The following NAA11 variants were observed in gnomAD, a reference collection of about 807,000 sequenced individuals.
NAA11 encodes the protein N-alpha-acetyltransferase 11, NatA catalytic subunit.
A neutral mutation model predicts 16.1 loss-of-function variants in NAA11; 15 were observed. The ratio of observed to expected loss-of-function variants is 0.93; its 90% CI spans 0.62 to 1.44. NAA11 has a LOEUF of 1.44. Ranked by LOEUF, NAA11 falls within the 40% of genes most tolerant of loss-of-function variation. NAA11 has a pLI of 0.00. For synonymous variants in NAA11, 122 were observed against 112.4 expected, an observed-to-expected ratio of 1.09 and a Z score of -0.54; for missense variants, 298 against 291.3, an observed-to-expected ratio of 1.02 and a Z score of -0.17.
At chr4:79,248,349 G>A (rs1169318850) in intron 2 of NAA11, among the ~76,000 whole-genome samples, 2 of 151,724 alleles carry the variant, frequency 1.3e-5, no homozygotes, top group East Asian at 1.9e-4. Context: ...CCCCACAATC[G>A]TTTGATGGGT....
intron 2 of NAA11, among the ~76,000 whole-genome samples, chr4:79,284,372 T>G (rs1336635032): frequency 6.6e-6 from 1 of 152,094 alleles, no homozygotes; most frequent in Non-Finnish European, 1.5e-5. Context: ...TCTATTTACT[T>G]CTTAAATCGA....
chr4:79,215,451 T>A, the NAA11 span, among the ~76,000 whole-genome samples: 1 of 152,282 alleles, frequency 6.6e-6, no homozygotes, highest in Non-Finnish European at 1.5e-5. Flanking sequence ...AAAAAGAAGA[T>A]GTCCCTGAAT....
At chr4:79,213,133 G>A in the NAA11 span, among the ~76,000 whole-genome samples, 1 of 152,080 alleles carries the variant, frequency 6.6e-6, no homozygotes, top group African/African-American at 2.4e-5. Flanking sequence ...CAATGTTTTG[G>A]GTGGGGCTAT....
intron 2 of NAA11, among the ~76,000 whole-genome samples, chr4:79,287,539 G>A (rs1308265247): frequency 6.6e-6 from 1 of 151,900 alleles, no homozygotes. Flanking sequence ...TTGAGGCTGA[G>A]GTCTCTTAGG....
At chr4:79,271,992 A>G (rs1330726048) in intron 2 of NAA11, among the ~76,000 whole-genome samples, 4 of 151,852 alleles carry the variant, frequency 2.6e-5, no homozygotes, top group Admixed American at 2.0e-4. Context: ...ATATATATAT[A>G]TATGTATACA....
At position 79,235,255 on chromosome 4, in the gene NAA11, G is replaced by A. The variant is rs72869067; in HGVS notation, c.*123-8985C>T. ...AGTTGAGAGCACCCACAGGATTCACGCTTCCCTGACTCTGGGGTTCCCTTT... is the reference window on the plus strand; with the variant it reads ...AGTTGAGAGCACCCACAGGATTCACACTTCCCTGACTCTGGGGTTCCCTTT... On this transcript the variant is annotated intron_variant and NMD_transcript_variant, in intron 2 of 2. Coordinates refer to the NAA11 transcript ENST00000511542. Among the ~76,000 whole-genome samples, 852 of 152,152 alleles carry A rather than the reference G, an allele frequency of 5.6e-3. 9 individuals carry two copies. Among genetic ancestry groups the A allele is most frequent in the African/African-American group, 0.019 (785 of 41,510 alleles).
downstream of NAA11, among the ~76,000 whole-genome samples, chr4:79,223,754 T>A (rs1173621162): frequency 6.9e-6 from 1 of 145,236 alleles, no homozygotes; most frequent in African/African-American, 2.5e-5. Flanking sequence ...CTTGAAATAA[T>A]TTTTTTTTTT....
At chr4:79,257,429 G>A (rs189152422) in intron 2 of NAA11, among the ~76,000 whole-genome samples, 2 of 152,050 alleles carry the variant, frequency 1.3e-5, no homozygotes, top group Non-Finnish European at 2.9e-5. Context: ...ATTTGCAAGA[G>A]ATTTTTTTTT....
chr4:79,278,375 A>G (rs1442471789), intron 2 of NAA11, among the ~76,000 whole-genome samples: 9 of 152,162 alleles, frequency 5.9e-5, no homozygotes, highest in Non-Finnish European at 1.3e-4. Flanking sequence ...GTTTTCAAAC[A>G]TCTTGTACTA....
the NAA11 span, among the ~76,000 whole-genome samples, chr4:79,175,276 G>T: frequency 2.6e-5 from 4 of 152,058 alleles, no homozygotes; most frequent in African/African-American, 9.7e-5. Flanking sequence ...ATTTCTACTA[G>T]CAGTGAATAA....
intron 1 of NAA11, chr4:79,305,072 C>T (rs986452393): frequency 6.6e-6 from 1 of 152,160 alleles, no homozygotes; most frequent in Non-Finnish European, 1.5e-5. Flanking sequence ...GTAGCAGTCG[C>T]CTGTCTTCAT....
At chr4:79,192,965 T>A in the NAA11 span, among the ~76,000 whole-genome samples, 1 of 152,244 alleles carries the variant, frequency 6.6e-6, no homozygotes, top group Non-Finnish European at 1.5e-5. Context: ...GATTTGTATT[T>A]CTCTGATGGC....
chr4:79,175,146 A>C, the NAA11 span, among the ~76,000 whole-genome samples: 1 of 152,108 alleles, frequency 6.6e-6, no homozygotes, highest in Non-Finnish European at 1.5e-5. Context: ...AAAGAAAGGC[A>C]AGTCCTAAAT....
the NAA11 span, among the ~76,000 whole-genome samples, chr4:79,206,739 C>T: frequency 7.3e-3 from 1,109 of 152,188 alleles, 6 homozygotes; most frequent in Middle Eastern, 0.024. Context: ...CAAGGGAAAT[C>T]GGACACAGCA....
chr4:79,310,865 G>A (rs1246899194), intron 1 of NAA11, among the ~76,000 whole-genome samples: 3 of 152,242 alleles, frequency 2.0e-5, no homozygotes, highest in Non-Finnish European at 4.4e-5. Context: ...AGAAAAGGAA[G>A]TGAAAAGGTG....
At chr4:79,292,910 T>C (rs1392304110) in intron 2 of NAA11, among the ~76,000 whole-genome samples, 1 of 152,206 alleles carries the variant, frequency 6.6e-6, no homozygotes. Context: ...GATTAACCTG[T>C]TGTTTTTGAT....
chr4:79,196,979 A>AAAAAAAAAAAAGAAAG, the NAA11 span, among the ~76,000 whole-genome samples: 2 of 125,556 alleles, frequency 1.6e-5, no homozygotes, highest in African/African-American at 6.1e-5. Flanking sequence ...AAAAAAAAAA[A>AAAAAAAAAAAAGAAAG]AAAGAAAGAA....
the NAA11 span, among the ~76,000 whole-genome samples, chr4:79,175,743 TA>T: frequency 0.55 from 68,126 of 123,356 alleles, 20,783 homozygotes; most frequent in East Asian, 0.84. Context: ...GTAATCACTG[TA>T]AAAAAAAAAA....
At chr4:79,270,022 G>C (rs560958010) in intron 2 of NAA11, among the ~76,000 whole-genome samples, 1 of 148,250 alleles carries the variant, frequency 6.7e-6, no homozygotes, top group South Asian at 2.2e-4. Flanking sequence ...GTAGGTATGC[G>C]GCGTTATTTC....
Sources: gnomAD v4.1 joint callset for allele counts (sites outside exome capture counted in the v4.1 genomes callset) on GRCh38, gnomAD v4.1.1 for gene constraint, MANE v1.5 for transcripts, NCBI Gene and HGNC (gene_info 2026-07-23, HGNC 2026-07-21) for gene names.